Variants in BMS1 observed in about 807,000 individuals in gnomAD.
The protein encoded by BMS1 is ribosome biogenesis protein BMS1 homolog.
A neutral mutation model predicts 138.7 loss-of-function variants in BMS1; 53 were observed. The observed-to-expected ratio is 0.38, with a 90% CI of 0.31 to 0.48. BMS1 has a LOEUF of 0.48. BMS1 is among the 20% of genes least tolerant of loss of function. The pLI is 0.97. For synonymous variants in BMS1, 504 were observed against 539.9 expected, an observed-to-expected ratio of 0.93 and a Z score of 0.92; for missense variants, 1,360 against 1,565.5, an observed-to-expected ratio of 0.87 and a Z score of 2.22.
intron 22 of BMS1, 50 bp downstream of exon 22, chr10:42,830,472 C>G: frequency 6.4e-7 from 1 of 1,560,968 alleles, no homozygotes. Flanking sequence ...AGGAAAAGAA[C>G]ACTCTCAATA....
rs533244399 is a variant in BMS1, at chr10:42,793,108, T to G, written c.1053T>G (p.Ala351=). 1 of 1,613,126 alleles carries G rather than the reference T, an allele frequency of 6.2e-7. No homozygotes were observed. The highest frequency in any genetic ancestry group is 1.7e-5 in the Admixed American group (1 of 59,828). The change falls in exon 8 of 23, where the codon GCT becomes GCG. Residue 351 remains alanine, a synonymous_variant. Transcript: ENST00000374518. The part of the protein sequence containing the change: ...GVGGVLYDKD[A]VYVDLGGSHV... Reference sequence around the variant, plus strand: ...GGGGTGTGCTGTATGACAAAGACGCTGTCTATGTTGACCTTGGTGGCAGCC... The same window carrying G: ...GGGGTGTGCTGTATGACAAAGACGCGGTCTATGTTGACCTTGGTGGCAGCC...
intron 13 of BMS1, among the ~76,000 whole-genome samples, chr10:42,808,625 G>T (rs201803376): frequency 6.6e-6 from 1 of 152,010 alleles, no homozygotes; most frequent in Admixed American, 6.6e-5. Context: ...GATGAAATCC[G>T]ATTTACCAGT....
intron 8 of BMS1, 108 bp downstream of exon 8, chr10:42,793,252 CT>C (rs1470310438): frequency 1.5e-5 from 18 of 1,185,070 alleles, no homozygotes; most frequent in Non-Finnish European, 2.0e-5. Context: ...GAAGATTTTT[CT>C]CTTGTACTTA....
chr10:42,795,152 C>T (rs7082596), intron 9 of BMS1, among the ~76,000 whole-genome samples: 2 of 149,564 alleles, frequency 1.3e-5, no homozygotes, highest in African/African-American at 2.5e-5. Flanking sequence ...TTTTCTTAAT[C>T]CAGTCTATCA....
chr10:42,801,097 C>T (rs1322922309), intron 12 of BMS1, among the ~76,000 whole-genome samples: 1 of 152,148 alleles, frequency 6.6e-6, no homozygotes, highest in Non-Finnish European at 1.5e-5. Flanking sequence ...ATAAGAAATC[C>T]TGATTTCTTT....
Position 42,823,207 on chromosome 10 carries a change from A to T in BMS1, c.3222A>T (p.Ala1074=), listed in dbSNP as rs772052065. ...VSGIRGQIKK[A]LRAPEGAFRA... is the part of the protein sequence containing the mutation. ...GGATAAGGGGGCAGATCAAGAAAGCACTCCGAGCTCCAGAAGGAGCTTTCA... is the reference window on the plus strand; with the variant it reads ...GGATAAGGGGGCAGATCAAGAAAGCTCTCCGAGCTCCAGAAGGAGCTTTCA... Residue 1074 remains alanine (A), a synonymous_variant, in exon 20 of 23, where the codon GCA becomes GCT. Coordinates refer to ENST00000374518, the MANE Select transcript of BMS1 (RefSeq NM_014753.4). The T allele has an allele frequency of 1.2e-6, 2 of 1,606,608 alleles. No individual in the cohort carries two copies. The highest frequency in any genetic ancestry group is 1.7e-6 in the Non-Finnish European group (2 of 1,178,248).
intron 13 of BMS1, among the ~76,000 whole-genome samples, chr10:42,806,581 A>G (rs765826057): frequency 6.6e-6 from 1 of 152,114 alleles, no homozygotes; most frequent in Non-Finnish European, 1.5e-5. Flanking sequence ...CTAAAAATAC[A>G]AAAATTAGCC....
chr10:42,785,275 A>G (rs185262493), intron 2 of BMS1, among the ~76,000 whole-genome samples: 15 of 152,286 alleles, frequency 9.8e-5, no homozygotes, highest in Admixed American at 3.9e-4. Flanking sequence ...TTGAACAGCA[A>G]TTATTTGGAT....
intron 12 of BMS1, 121 bp from the exon 13 acceptor site, chr10:42,802,016 A>G (rs1324653309): frequency 3.0e-6 from 2 of 661,948 alleles, no homozygotes; most frequent in East Asian, 2.9e-5. Flanking sequence ...CTCATTTGGA[A>G]TGAGAATATC....
chr10:42,798,540 C>T lies in BMS1; in HGVS notation c.2162C>T (p.Pro721Leu), dbSNP rs369140738. The T allele has an allele frequency of 4.3e-6, 7 of 1,614,112 alleles. No homozygotes were observed. Among genetic ancestry groups the T allele is most frequent in the Non-Finnish European group, 5.9e-6 (7 of 1,180,056 alleles). The change falls in exon 12 of 23, where the codon CCT becomes CTT. Residue 721 changes from proline (P) to leucine (L), a missense_variant. Transcript: ENST00000374518. ...ELGGLFRVNQ[P>L]DRECKHKADS... ...GGAGGGTTGTTTCGTGTCAACCAGC[C>T]TGACAGAGAGTGTAAGCACAAGGCT...
chr10:42,801,665 C>G (rs1219223313), intron 12 of BMS1, among the ~76,000 whole-genome samples: 2 of 152,170 alleles, frequency 1.3e-5, no homozygotes, highest in South Asian at 2.1e-4. Flanking sequence ...TTGCCCATTT[C>G]AAAAATTGGA....
intron 4 of BMS1, among the ~76,000 whole-genome samples, 172 bp downstream of exon 4, chr10:42,787,419 T>C (rs17429415): frequency 0.064 from 9,761 of 152,270 alleles, 457 homozygotes; most frequent in Non-Finnish European, 0.092. Flanking sequence ...ATAAATGTTG[T>C]TATGTTAATA....
intron 21 of BMS1, among the ~76,000 whole-genome samples, chr10:42,828,187 C>T (rs114170667): frequency 0.013 from 1,954 of 152,308 alleles, 39 homozygotes; most frequent in African/African-American, 0.045. Flanking sequence ...TAGATTTGTT[C>T]TGCCTGGTTT....
At chr10:42,797,580 A>G in intron 11 of BMS1, 57 bp downstream of exon 11, 2 of 1,540,982 alleles carry the variant, frequency 1.3e-6, no homozygotes, top group Middle Eastern at 3.4e-4. Flanking sequence ...TATTTAGATG[A>G]GGGAATTGGT....
chr10:42,794,950 TC>T (rs557539898), intron 9 of BMS1, among the ~76,000 whole-genome samples: 377 of 152,188 alleles, frequency 2.5e-3, no homozygotes, highest in Non-Finnish European at 3.6e-3. Flanking sequence ...AGTGTGATGT[TC>T]CCCTTCCTGT....
At chr10:42,794,902 A>G (rs1297799470) in intron 9 of BMS1, among the ~76,000 whole-genome samples, 1 of 151,980 alleles carries the variant, frequency 6.6e-6, no homozygotes, top group African/African-American at 2.4e-5. Context: ...TCCCAATGCT[A>G]TCCCTCCCCG....
intron 13 of BMS1, among the ~76,000 whole-genome samples, chr10:42,804,444 A>AT (rs536269774): frequency 3.4e-4 from 52 of 152,326 alleles, no homozygotes; most frequent in Admixed American, 3.1e-3. Flanking sequence ...TCTTTTAGGC[A>AT]TAGAGTGGTA....
rs759694623 is a variant in BMS1, at chr10:42,796,571, G to A, written c.1327G>A (p.Asp443Asn). ...AGATGAAGATGAATCTGGAGATAGT[G>A]ATGATGAAGAAGATGATGAAATGTC... is the stretch of plus-strand genomic sequence containing the variant. ...FGDEDESGDS[D>N]DEEDDEMSED... is the part of the protein sequence containing the mutation. Residue 443 changes from aspartate to asparagine, a missense_variant, in exon 10 of 23, where the codon GAT (aspartate) becomes AAT (asparagine). Transcript: ENST00000374518. 2.6e-5 allele frequency: 42 copies of A among 1,614,194 alleles called. No homozygotes were observed. The highest frequency in any genetic ancestry group is 3.6e-5 in the Non-Finnish European group (42 of 1,180,040).
At chr10:42,818,054 C>G (rs1273825592) in intron 15 of BMS1, among the ~76,000 whole-genome samples, 1 of 152,216 alleles carries the variant, frequency 6.6e-6, no homozygotes, top group African/African-American at 2.4e-5. Flanking sequence ...TGATCTCACT[C>G]TGAAGGAGAC....
Sources: allele counts gnomAD v4.1 joint callset (sites outside exome capture counted in the v4.1 genomes callset), GRCh38; gene constraint gnomAD v4.1.1; transcripts MANE v1.5; gene names NCBI Gene and HGNC (gene_info 2026-07-23, HGNC 2026-07-21).